NARS1: variants seen among roughly 807,000 people sequenced by gnomAD.
NARS1 encodes asparagine--tRNA ligase, cytoplasmic.
A neutral mutation model predicts 79.2 loss-of-function variants in NARS1; 65 were observed. The observed-to-expected ratio is 0.82, with a 90% CI of 0.67 to 1.01. NARS1 has a LOEUF of 1.01. Among genes scored for constraint, NARS1 ranks in the 50% least tolerant of loss-of-function variants. NARS1 has a pLI of 0.00. For missense variants in NARS1, 649 were observed against 673.8 expected (o/e 0.96, Z 0.41); for synonymous variants, 229 against 238.8 (o/e 0.96, Z 0.38).
chr18:57,603,067 C>G, intron 11 of NARS1, 124 bp from the exon 12 acceptor site: 1 of 786,554 alleles, frequency 1.3e-6, no homozygotes, highest in South Asian at 1.9e-5. Context: ...ACACACCTAC[C>G]CTTAACCCAT....
At position 57,607,142 on chromosome 18, in the gene NARS1, G is replaced by A; in HGVS notation, c.993C>T (p.His331=). Residue 331 remains histidine (H), a synonymous_variant, in exon 9 of 14, where the codon CAC becomes CAT. Coordinates refer to ENST00000256854, the MANE Select transcript of NARS1 (RefSeq NM_004539.4). ...YRAEQSRTRR[H]LAEYTHVEAE... is the part of the protein sequence containing the mutation. ...AAAAGACAACTTCATACTCAGCCAG[G>A]TGCCTTCGTGTTCTGGACTGCTCTG... 1 of 1,612,224 alleles carries A rather than the reference G, an allele frequency of 6.2e-7. No individual in the cohort carries two copies. Among genetic ancestry groups the A allele is most frequent in the Non-Finnish European group, 8.5e-7 (1 of 1,178,892 alleles).
chr18:57,610,916 T>C (rs1356639648), intron 6 of NARS1, among the ~76,000 whole-genome samples: 2 of 151,798 alleles, frequency 1.3e-5, no homozygotes, highest in African/African-American at 4.8e-5. Flanking sequence ...TGATATTTAG[T>C]AGTTGTATTA....
rs1377111326 is a variant in NARS1, at chr18:57,613,641, CT to C, written c.381del (p.Val128Ter). 1 of 1,614,012 alleles carries C rather than the reference CT, an allele frequency of 6.2e-7. No individual in the cohort carries two copies. The highest frequency in any genetic ancestry group is 1.3e-5 in the African/African-American group (1 of 74,934). The stretch of plus-strand genomic sequence containing the variant: ...CTGTGGACCCAGCCAAACACCTTTA[CT>C]CTTTGGCCTCTATATCCTTCTAACG... ...IGALEGYRGQ[R>X]VKVFGWVHRL... On this transcript the variant is annotated frameshift_variant, in exon 5 of 14. Coordinates refer to ENST00000256854, the MANE Select transcript of NARS1 (RefSeq NM_004539.4). LOFTEE classifies it high-confidence loss of function.
chr18:57,613,330 T>TA (rs1475226252), intron 5 of NARS1, among the ~76,000 whole-genome samples: 9 of 151,970 alleles, frequency 5.9e-5, no homozygotes, highest in Non-Finnish European at 1.0e-4. Flanking sequence ...CCGTCTCTAC[T>TA]AAAATTACAA....
In NARS1 at chr18:57,607,453, C is replaced by G; in HGVS notation, c.792G>C (p.Gly264=). 6.2e-7 allele frequency: 1 copy of G among 1,613,900 alleles called. No homozygotes were observed. Among genetic ancestry groups the G allele is most frequent in the Non-Finnish European group, 8.5e-7 (1 of 1,179,834 alleles). Residue 264 remains glycine (G), a synonymous_variant, in exon 8 of 14, where the codon GGG becomes GGC. Transcript: ENST00000256854. ...RCFRDHFFDR[G]YYEVTPPTLV... is the part of the protein sequence containing the mutation. ...ACGAATGCATACTTACTTCATAGTA[C>G]CCCCTATCAAAGAAGTGATCTCTAA...
intron 4 of NARS1, 111 bp from the exon 5 acceptor site, chr18:57,613,791 A>G: frequency 2.4e-6 from 2 of 834,394 alleles, no homozygotes; most frequent in Non-Finnish European, 3.9e-6. Flanking sequence ...AAATGGTGCA[A>G]AACTGGAGAC....
intron 11 of NARS1, among the ~76,000 whole-genome samples, chr18:57,604,607 G>T (rs977558044): frequency 1.3e-5 from 2 of 152,176 alleles, no homozygotes; most frequent in African/African-American, 4.8e-5. Context: ...TTGGAAACTT[G>T]AGCCAGATGC....
intron 6 of NARS1, among the ~76,000 whole-genome samples, chr18:57,610,298 C>T (rs1448856311): frequency 6.6e-6 from 1 of 152,026 alleles, no homozygotes; most frequent in African/African-American, 2.4e-5. Context: ...ATGGCAAAAA[C>T]CTGTCTCTAC....
intron 2 of NARS1, among the ~76,000 whole-genome samples, chr18:57,617,211 TC>T (rs1908081938): frequency 6.6e-6 from 1 of 152,196 alleles, no homozygotes; most frequent in African/African-American, 2.4e-5. Flanking sequence ...AGTGAATTAT[TC>T]TCTGTTGCAA....
chr18:57,607,385 T>G, intron 8 of NARS1, 52 bp from the exon 9 acceptor site: 1 of 1,610,596 alleles, frequency 6.2e-7, no homozygotes, highest in Non-Finnish European at 8.5e-7. Flanking sequence ...GCACCACTAT[T>G]CAAGTTTCAA....
chr18:57,602,871 C>T lies in NARS1; in HGVS notation c.1324G>A (p.Val442Met). ...TGCATGTAGAAGGACTTGATCTCCA[C>T]AGGAAATCGACACAGCAAGATTGGT... ...NEPILLCRFP[V>M]EIKSFYMQRC... The change falls in exon 12 of 14, where the codon GTG becomes ATG. Residue 442 changes from valine (V) to methionine (M), a missense_variant. Val to Met is a conservative substitution (Grantham distance 21). Transcript: ENST00000256854. 6.2e-7 allele frequency: 1 copy of T among 1,613,882 alleles called. No individual in the cohort carries two copies. Among genetic ancestry groups the T allele is most frequent in the South Asian group, 1.1e-5 (1 of 91,072 alleles).
chr18:57,601,596 T>C lies in NARS1; in HGVS notation c.*56A>G, dbSNP rs2051506466. 6.6e-7 allele frequency: 1 copy of C among 1,507,634 alleles called. No homozygotes were observed. Among genetic ancestry groups the C allele is most frequent in the East Asian group, 2.3e-5 (1 of 43,828 alleles). The allele number at this position is 1,507,634 out of a possible 1,614,324, so 93.4% of individuals were successfully genotyped here. On this transcript the variant is annotated 3_prime_UTR_variant, in exon 14 of 14. Coordinates refer to ENST00000256854, the MANE Select transcript of NARS1 (RefSeq NM_004539.4). ...GGAAGATTCTGGCTTTTTGTTTTCT[T>C]TTTTAAAGAGCCTGTTCCTTTCATA...
chr18:57,602,258 A>G (rs2122417479), intron 13 of NARS1, 97 bp downstream of exon 13: 2 of 1,169,416 alleles, frequency 1.7e-6, no homozygotes, highest in East Asian at 2.4e-5. Context: ...TTCAAATACC[A>G]AAGTACTACC....
intron 4 of NARS1, among the ~76,000 whole-genome samples, 193 bp downstream of exon 4, chr18:57,615,448 G>C (rs540318105): frequency 6.6e-6 from 1 of 152,134 alleles, no homozygotes; most frequent in Non-Finnish European, 1.5e-5. Context: ...CTTGCAGTGA[G>C]CTGAGATTGA....
In NARS1 at chr18:57,620,462, C is replaced by A. The variant is rs548253425; in HGVS notation, c.93+107G>T. 4.8e-4 allele frequency: 345 copies of A among 711,750 alleles called. 4 individuals are homozygous for A. The South Asian group carries it at 6.2e-3, about 13-fold the overall frequency. The allele number at this position is 711,750 out of a possible 1,614,324, so 44.1% of individuals were successfully genotyped here. On this transcript the variant is annotated intron_variant, in intron 2 of 13. Transcript: ENST00000256854. ...CCTTACTTTCCCTTTTCTGAAAATT[C>A]TCTTTGGAACCTAGTGTTTGAAATT...
chr18:57,616,044 CAAGTAT>C (rs1908016038), intron 2 of NARS1, 69 bp from the exon 3 acceptor site: 1 of 1,369,994 alleles, frequency 7.3e-7, no homozygotes, highest in Admixed American at 2.4e-5. Context: ...AATAACATCT[CAAGTAT>C]AAGGCAACTG....
At position 57,601,801 on chromosome 18, in the gene NARS1, G is replaced by A. The variant is rs1167469045; in HGVS notation, c.1516-18C>T. On this transcript the variant is annotated intron_variant, in intron 13 of 13. Transcript: ENST00000256854. ...TATTTTCTCTGTTTAAAAAAAGAAA[G>A]AAAGAAAGAGGAGTAAATACTTAAG... 1 of 1,610,972 alleles carries A rather than the reference G, an allele frequency of 6.2e-7. No individual in the cohort carries two copies. Among genetic ancestry groups the A allele is most frequent in the Admixed American group, 1.7e-5 (1 of 59,708 alleles).
chr18:57,616,533 C>T (rs537522430), intron 2 of NARS1, among the ~76,000 whole-genome samples: 1 of 152,094 alleles, frequency 6.6e-6, no homozygotes, highest in South Asian at 2.1e-4. Context: ...CCAGGAAAAG[C>T]AGACTATAAG....
chr18:57,606,426 T>C (rs1438586606), intron 10 of NARS1, among the ~76,000 whole-genome samples, 190 bp downstream of exon 10: 2 of 151,448 alleles, frequency 1.3e-5, no homozygotes, highest in Non-Finnish European at 2.9e-5. Flanking sequence ...ATGGAAAACA[T>C]GAGCCTGTTA....
Sources: allele counts gnomAD v4.1 joint callset (sites outside exome capture counted in the v4.1 genomes callset), GRCh38; gene constraint gnomAD v4.1.1; transcripts MANE v1.5; gene names NCBI Gene and HGNC (gene_info 2026-07-23, HGNC 2026-07-21).